Variants in HERC1 observed in about 807,000 individuals in gnomAD.
HERC1 encodes probable E3 ubiquitin-protein ligase HERC1.
HERC1 carries 160 observed loss-of-function variants against 554.3 expected under a neutral mutation model. The ratio of observed to expected loss-of-function variants is 0.29; its 90% CI spans 0.25 to 0.33. The LOEUF is 0.33. HERC1 is among the 10% of genes least tolerant of loss of function. The probability of loss-of-function intolerance (pLI) is 1.00; values close to 1 mark genes in which losing one functional copy is unlikely to be tolerated. For synonymous variants in HERC1, 2,175 were observed against 2,131.7 expected, an observed-to-expected ratio of 1.02 and a Z score of -0.56; for missense variants, 4,919 against 5,918.5, an observed-to-expected ratio of 0.83 and a Z score of 5.54.
chr15:63,637,762 T>C, intron 63 of HERC1, 119 bp from the exon 64 acceptor site: 1 of 784,884 alleles, frequency 1.3e-6, no homozygotes, highest in Non-Finnish European at 1.9e-6. Flanking sequence ...ATCCTTTTAC[T>C]GAAAGGGAAG....
intron 40 of HERC1, among the ~76,000 whole-genome samples, chr15:63,666,848 G>C (rs1337960275): frequency 6.6e-6 from 1 of 152,176 alleles, no homozygotes; most frequent in Non-Finnish European, 1.5e-5. Flanking sequence ...CTCAACATAT[G>C]TGTTCACAGC....
chr15:63,779,219 A>C (rs1194317965), intron 1 of HERC1, among the ~76,000 whole-genome samples: 1 of 152,178 alleles, frequency 6.6e-6, no homozygotes, highest in African/African-American at 2.4e-5. Flanking sequence ...ACAATGCAAG[A>C]AAACTTTCTA....
chr15:63,717,837 G>A (rs1422347795), intron 21 of HERC1, among the ~76,000 whole-genome samples: 4 of 152,040 alleles, frequency 2.6e-5, no homozygotes, highest in South Asian at 4.1e-4. Flanking sequence ...ATGCCACTGC[G>A]CTCCAGCCTG....
intron 1 of HERC1, among the ~76,000 whole-genome samples, chr15:63,796,740 T>C (rs773026670): frequency 4.6e-5 from 7 of 152,226 alleles, no homozygotes; most frequent in Non-Finnish European, 8.8e-5. Context: ...TTTCAGGTCA[T>C]AGATACATTG....
intron 70 of HERC1, among the ~76,000 whole-genome samples, chr15:63,627,175 T>C (rs1347679681): frequency 6.6e-6 from 1 of 152,176 alleles, no homozygotes; most frequent in African/African-American, 2.4e-5. Context: ...TTCCTGCTTG[T>C]TTGGCATCTA....
chr15:63,694,097 A>G lies in HERC1; in HGVS notation c.5541T>C (p.Ser1847=). ...VVQSLLDLLC[S]QLKNLLSQTG... ...TTTGGGACAATAAATTCTTCAACTG[A>G]CTACAGAGTAGATCCAACAAGGATT... Residue 1847 remains serine, a synonymous_variant, in exon 30 of 78, where the codon AGT becomes AGC. Coordinates refer to ENST00000443617, the MANE Select transcript of HERC1 (RefSeq NM_003922.4). The surrounding 1 kb of genome is among the most constrained non-coding windows in gnomAD (Gnocchi z 4.3). 6.2e-7 allele frequency: 1 copy of G among 1,610,700 alleles called. No homozygotes were observed. Among genetic ancestry groups the G allele is most frequent in the Non-Finnish European group, 8.5e-7 (1 of 1,178,378 alleles).
In HERC1 at chr15:63,661,802, C is replaced by T; in HGVS notation, c.9121G>A (p.Glu3041Lys). 6.2e-7 allele frequency: 1 copy of T among 1,613,968 alleles called. No homozygotes were observed. The highest frequency in any genetic ancestry group is 8.5e-7 in the Non-Finnish European group (1 of 1,179,878). ...PYYLLCGTCR[E>K]KYLAMKTKSK... ...TTGGTCTTCATGGCTAAGTACTTCTCCCTGCAGGTGCCACATAACAGGTAG... is the reference window on the plus strand; with the variant it reads ...TTGGTCTTCATGGCTAAGTACTTCTTCCTGCAGGTGCCACATAACAGGTAG... The change falls in exon 45 of 78, where the codon GAG becomes AAG. Residue 3041 changes from glutamate (E) to lysine (K), a missense_variant. Physicochemically the swap from Glu to Lys is moderately conservative, Grantham distance 56. Transcript: ENST00000443617.
chr15:63,699,990 T>C (rs1373549068), intron 25 of HERC1, among the ~76,000 whole-genome samples: 1 of 152,134 alleles, frequency 6.6e-6, no homozygotes, highest in Non-Finnish European at 1.5e-5. Flanking sequence ...TTATAATAAA[T>C]ATCTGTGAAC....
chr15:63,825,882 C>T (rs1271544824), intron 1 of HERC1, among the ~76,000 whole-genome samples: 2 of 152,000 alleles, frequency 1.3e-5, no homozygotes, highest in Non-Finnish European at 1.5e-5. Flanking sequence ...CCTGCCTCAG[C>T]CTCCCGAGTA....
intron 1 of HERC1, among the ~76,000 whole-genome samples, chr15:63,797,412 G>T (rs1472413696): frequency 1.3e-5 from 2 of 152,084 alleles, no homozygotes; most frequent in African/African-American, 4.8e-5. Flanking sequence ...TCTAAGATTG[G>T]TTTTTTTGTG....
intron 68 of HERC1, 112 bp from the exon 69 acceptor site, chr15:63,630,747 T>C (rs900455770): frequency 1.1e-5 from 12 of 1,045,386 alleles, no homozygotes; most frequent in East Asian, 2.6e-5. Flanking sequence ...CAATGACACA[T>C]ATAACTCAAC....
chr15:63,818,794 C>G (rs2077583396), intron 1 of HERC1, among the ~76,000 whole-genome samples: 1 of 152,126 alleles, frequency 6.6e-6, no homozygotes, highest in South Asian at 2.1e-4. Flanking sequence ...TAGAAGCTAC[C>G]AGACTTTCTT....
rs769875333 is a variant in HERC1, at chr15:63,616,481, G to A, written c.13890C>T (p.Asn4630=). ...EVDLLYVQTL[N]SILHIEDSGI... Reference sequence around the variant, plus strand: ...CACTGTCTTCAATGTGAAGAATGCTGTTGAGAGTCTGCACGTAGAGCAGAT... The same window carrying A: ...CACTGTCTTCAATGTGAAGAATGCTATTGAGAGTCTGCACGTAGAGCAGAT... Residue 4630 remains asparagine (N), a synonymous_variant, in exon 75 of 78, where the codon AAC becomes AAT. Transcript: ENST00000443617. 1 of 1,613,978 alleles carries A rather than the reference G, an allele frequency of 6.2e-7. No individual in the cohort carries two copies. The highest frequency in any genetic ancestry group is 1.7e-5 in the Admixed American group (1 of 60,018).
chr15:63,816,899 A>G (rs1219958181), intron 1 of HERC1, among the ~76,000 whole-genome samples: 2 of 152,246 alleles, frequency 1.3e-5, no homozygotes, highest in Non-Finnish European at 2.9e-5. Context: ...AGCTGCTAAC[A>G]TCACAAAGAG....
intron 1 of HERC1, among the ~76,000 whole-genome samples, chr15:63,829,557 GTGTGTA>G (rs1237392718): frequency 4.8e-4 from 32 of 66,192 alleles, no homozygotes; most frequent in Middle Eastern, 6.9e-3. Flanking sequence ...GTGTGTGTGT[GTGTGTA>G]TATATATATA....
Position 63,723,321 on chromosome 15 carries a change from A to G in HERC1, c.3603T>C (p.Leu1201=). 1 of 1,594,442 alleles carries G rather than the reference A, an allele frequency of 6.3e-7. No homozygotes were observed. Among genetic ancestry groups the G allele is most frequent in the Non-Finnish European group, 8.5e-7 (1 of 1,169,646 alleles). ...KCMSCLLEVA[L]SGNEEQKPFD... ...AAGGCTTCTGTTCTTCATTTCCAGAAAGTGCTACTTCTAACAGGCAACTCA... is the reference window on the plus strand; with the variant it reads ...AAGGCTTCTGTTCTTCATTTCCAGAGAGTGCTACTTCTAACAGGCAACTCA... The change falls in exon 19 of 78, where the codon CTT becomes CTC. Residue 1201 remains leucine, a synonymous_variant. Transcript: ENST00000443617.
In HERC1 at chr15:63,749,217, T is replaced by G. The variant is rs2075158999; in HGVS notation, c.2219+150A>C. ...TCAAATAAAAAGAAATCTAATGTCATTTCTATGATAGAGAAAAAGCAATAC... is the reference window on the plus strand; with the variant it reads ...TCAAATAAAAAGAAATCTAATGTCAGTTCTATGATAGAGAAAAAGCAATAC... On this transcript the variant is annotated intron_variant, in intron 10 of 77. Coordinates refer to ENST00000443617, the MANE Select transcript of HERC1 (RefSeq NM_003922.4). This position sits in a 1 kb window ranked among gnomAD's most constrained non-coding sequence, Gnocchi z 4.1. 1.7e-6 allele frequency: 1 copy of G among 588,732 alleles called. No homozygotes were observed. Among genetic ancestry groups the G allele is most frequent in the Non-Finnish European group, 2.8e-6 (1 of 358,892 alleles). The allele number at this position is 588,732 out of a possible 1,614,324, so 36.5% of individuals were successfully genotyped here. A position where few individuals can be genotyped will look rare whatever the true frequency, so the allele number is the denominator to read the frequency against.
chr15:63,792,170 TA>T (rs1333419849), intron 1 of HERC1, among the ~76,000 whole-genome samples: 2 of 152,194 alleles, frequency 1.3e-5, no homozygotes, highest in African/African-American at 4.8e-5. Context: ...TGCAATTCAA[TA>T]AATATTAGAT....
Position 63,612,162 on chromosome 15 carries a change from TG to T in HERC1, c.14400+88del. The stretch of plus-strand genomic sequence containing the variant: ...AAAATCATGCCACTGCACTCCAGCC[TG>T]GGCCACAGAGTGAGACCCTGTCTCA... On this transcript the variant is annotated intron_variant, in intron 77 of 77. Coordinates refer to ENST00000443617, the MANE Select transcript of HERC1 (RefSeq NM_003922.4). The surrounding 1 kb of genome is among the most constrained non-coding windows in gnomAD (Gnocchi z 5.0). 8.3e-7 allele frequency: 1 copy of T among 1,211,790 alleles called. No homozygotes were observed. The highest frequency in any genetic ancestry group is 1.1e-6 in the Non-Finnish European group (1 of 872,164). 75.1% of individuals were successfully genotyped at this position (1,211,790 alleles called of 1,614,324 possible).
Sources: allele counts gnomAD v4.1 joint callset (sites outside exome capture counted in the v4.1 genomes callset), GRCh38; gene constraint gnomAD v4.1.1; non-coding constraint Gnocchi (gnomAD v3.1); transcripts MANE v1.5; gene names NCBI Gene and HGNC (gene_info 2026-07-23, HGNC 2026-07-21).